ACE: variants seen among roughly 807,000 people sequenced by gnomAD.
The protein encoded by ACE is angiotensin-converting enzyme.
In ACE, 122 loss-of-function variants were observed where a neutral mutation model predicts 162.3. The ratio of observed to expected loss-of-function variants is 0.75; its 90% CI spans 0.65 to 0.87. The LOEUF (loss-of-function observed/expected upper bound fraction) is 0.87. ACE is among the 40% of genes least tolerant of loss of function. ACE has a pLI of 0.00. For synonymous variants in ACE, 796 were observed against 720.6 expected (o/e 1.10, Z -1.68); for missense variants, 1,799 against 1,735.1 (o/e 1.04, Z -0.65).
rs1232536510 is a variant in ACE, at chr17:63,490,954, G to A, written c.2642G>A (p.Gly881Glu). Residue 881 changes from glycine to glutamate, a missense_variant and splice_region_variant, in exon 18 of 25, where the codon GGG becomes GAG. Gly to Glu is a moderately conservative substitution (Grantham distance 98). Transcript: ENST00000290866. The stretch of plus-strand genomic sequence containing the variant: ...TGCCGTCCCCCACACTCGCCTCCAG[G>A]GAACATGTGGGCGCAGACCTGGTCC... ...LEGPIPAHLL[G>E]NMWAQTWSNI... 8 of 1,614,084 alleles carry A rather than the reference G, an allele frequency of 5.0e-6. No individual in the cohort carries two copies. Among genetic ancestry groups the A allele is most frequent in the Non-Finnish European group, 6.8e-6 (8 of 1,180,024 alleles).
chr17:63,482,393 A>T, intron 7 of ACE, 73 bp from the exon 8 acceptor site: 1 of 1,407,700 alleles, frequency 7.1e-7, no homozygotes, highest in Non-Finnish European at 9.9e-7. Flanking sequence ...TCAGGTGCCA[A>T]TCTGCCCTGT....
intron 21 of ACE, 134 bp downstream of exon 21, chr17:63,494,200 T>G (rs2030582303): frequency 7.3e-7 from 1 of 1,363,782 alleles, no homozygotes; most frequent in African/African-American, 1.4e-5. Context: ...ATATGATGTG[T>G]GTGGTGTAAG....
At chr17:63,485,961 A>G (rs1266384016) in intron 13 of ACE, among the ~76,000 whole-genome samples, 1 of 152,172 alleles carries the variant, frequency 6.6e-6, no homozygotes, top group Non-Finnish European at 1.5e-5. Flanking sequence ...ACAAATAAAC[A>G]AAAATCAATC....
chr17:63,496,412 C>A lies in ACE; in HGVS notation c.3399C>A (p.Ile1133=), dbSNP rs1431115842. 5.6e-6 allele frequency: 9 copies of A among 1,614,108 alleles called. No individual in the cohort carries two copies. The highest frequency in any genetic ancestry group is 7.6e-6 in the Non-Finnish European group (9 of 1,180,056). The part of the protein sequence containing the change: ...VPYIRYFVSF[I]IQFQFHEALC... Reference sequence around the variant, plus strand: ...GCTCCAGGTACTTTGTCAGCTTCATCATCCAGTTCCAGTTCCACGAGGCAC... The same window carrying A: ...GCTCCAGGTACTTTGTCAGCTTCATAATCCAGTTCCAGTTCCACGAGGCAC... The change falls in exon 23 of 25, where the codon ATC becomes ATA. Residue 1133 remains isoleucine (I), a synonymous_variant. Transcript: ENST00000290866.
At position 63,484,603 on chromosome 17, in the gene ACE, A is replaced by G; in HGVS notation, c.1921+62A>G. ...GGGTCCTCAACTCTGGGCTTGGCCC[A>G]GGCCCCAGGTTCCTGGTCAGCTCCT... On this transcript the variant is annotated intron_variant, in intron 12 of 24. Transcript: ENST00000290866. The surrounding 1 kb of genome is among the most constrained non-coding windows in gnomAD (Gnocchi z 4.0). 1.3e-6 allele frequency: 2 copies of G among 1,540,126 alleles called. No individual in the cohort carries two copies. The highest frequency in any genetic ancestry group is 2.2e-4 in the Middle Eastern group (1 of 4,512).
At position 63,484,822 on chromosome 17, in the gene ACE, T is replaced by C; in HGVS notation, c.1921+281T>C. On this transcript the variant is annotated intron_variant, in intron 12 of 24. Coordinates refer to ENST00000290866, the MANE Select transcript of ACE (RefSeq NM_000789.4). The surrounding 1 kb of genome is among the most constrained non-coding windows in gnomAD (Gnocchi z 4.0). ...GAGGTCACACTGCGGGCTCCGCTCT[T>C]ATTGGCCAGGGGACGGTAGCTGCAG... 6.5e-7 allele frequency: 1 copy of C among 1,528,148 alleles called. No individual in the cohort carries two copies. Among genetic ancestry groups the C allele is most frequent in the Non-Finnish European group, 8.8e-7 (1 of 1,136,512 alleles). 94.7% of individuals were successfully genotyped at this position (1,528,148 alleles called of 1,614,324 possible).
intron 20 of ACE, 125 bp downstream of exon 20, chr17:63,493,784 G>A (rs1167488889): frequency 3.9e-6 from 6 of 1,519,782 alleles, no homozygotes; most frequent in Non-Finnish European, 4.5e-6. Context: ...CGGAAGGAAG[G>A]GAGCCACCCA....
chr17:63,497,145 G>A lies in ACE; in HGVS notation c.3700G>A (p.Glu1234Lys). The change falls in exon 25 of 25, where the codon GAA becomes AAA. Residue 1234 changes from glutamate (E) to lysine (K), a missense_variant. Glu to Lys is a moderately conservative substitution (Grantham distance 56). Transcript: ENST00000290866. ...YNWTPNSARS[E>K]GPLPDSGRVS... Reference sequence around the variant, plus strand: ...CCTTGCTTCCCGCTCAGCTCGCTCAGAAGGGCCCCTCCCAGACAGCGGCCG... The same window carrying A: ...CCTTGCTTCCCGCTCAGCTCGCTCAAAAGGGCCCCTCCCAGACAGCGGCCG... 6.2e-7 allele frequency: 1 copy of A among 1,604,080 alleles called. No individual in the cohort carries two copies. Among genetic ancestry groups the A allele is most frequent in the African/African-American group, 1.3e-5 (1 of 74,972 alleles).
chr17:63,481,848 C>G (rs1043416002), intron 7 of ACE, 110 bp downstream of exon 7: 1 of 1,422,850 alleles, frequency 7.0e-7, no homozygotes, highest in African/African-American at 1.4e-5. Context: ...TCTACCCTAC[C>G]CCAGCACTGG....
intron 6 of ACE, among the ~76,000 whole-genome samples, 167 bp downstream of exon 6, chr17:63,481,355 C>T (rs1251135808): frequency 6.6e-6 from 1 of 152,132 alleles, no homozygotes; most frequent in Non-Finnish European, 1.5e-5. Context: ...GGTGCCAGCT[C>T]CTCCCTCCAG....
intron 17 of ACE, 125 bp from the exon 18 acceptor site, chr17:63,490,829 G>T: frequency 1.1e-6 from 1 of 904,288 alleles, no homozygotes; most frequent in East Asian, 2.4e-5. Flanking sequence ...GCAAACAGTA[G>T]GTGCTCAAGA....
chr17:63,484,105 T>C lies in ACE; in HGVS notation c.1709+134T>C. 2 of 1,421,700 alleles carry C rather than the reference T, an allele frequency of 1.4e-6. No homozygotes were observed. Among genetic ancestry groups the C allele is most frequent in the Non-Finnish European group, 1.9e-6 (2 of 1,055,702 alleles). The allele number at this position is 1,421,700 out of a possible 1,614,324, so 88.1% of individuals were successfully genotyped here. ...AGCTGGACTGATGTGGATGCCTGTCTCCTCGCTATGTCATCAAATATTTAT... is the reference window on the plus strand; with the variant it reads ...AGCTGGACTGATGTGGATGCCTGTCCCCTCGCTATGTCATCAAATATTTAT... On this transcript the variant is annotated intron_variant, in intron 11 of 24. Transcript: ENST00000290866. This position sits in a 1 kb window ranked among gnomAD's most constrained non-coding sequence, Gnocchi z 4.0.
chr17:63,477,197 CAGCCCGGCAACT>C lies in ACE; in HGVS notation c.104_115del (p.Gln35_Phe39delinsLeu). The C allele has an allele frequency of 6.7e-7, 1 of 1,483,902 alleles. No individual in the cohort carries two copies. Among genetic ancestry groups the C allele is most frequent in the South Asian group, 1.3e-5 (1 of 79,318 alleles). 91.9% of individuals were successfully genotyped at this position (1,483,902 alleles called of 1,614,324 possible). On this transcript the variant is annotated inframe_deletion, in exon 1 of 25. Coordinates refer to ENST00000290866, the MANE Select transcript of ACE (RefSeq NM_000789.4). ...CGCCCTGGCGTTGGACCCCGGGCTG[CAGCCCGGCAACT>C]TTTCTGCTGACGAGGCCGGGGCGCA...
In ACE at chr17:63,483,548, C is replaced by T. The variant is rs754150700; in HGVS notation, c.1576C>T (p.Pro526Ser). The change falls in exon 10 of 25, where the codon CCA becomes TCA. Residue 526 changes from proline to serine, a missense_variant. Physicochemically the swap from Pro to Ser is moderately conservative, Grantham distance 74 (BLOSUM62 -1). Transcript: ENST00000290866. ...TAAGTTTCATGTTCCAAATGTGACA[C>T]CATACATCAGGTATTAGCGCCCCCA... is the stretch of plus-strand genomic sequence containing the variant. ...GAKFHVPNVT[P>S]YIRYFVSFVL... The T allele has an allele frequency of 1.2e-6, 2 of 1,613,842 alleles. No individual in the cohort carries two copies. Among genetic ancestry groups the T allele is most frequent in the Non-Finnish European group, 1.7e-6 (2 of 1,179,796 alleles).
chr17:63,497,059 T>A (rs942245660), intron 24 of ACE, 74 bp downstream of exon 24: 4 of 1,543,122 alleles, frequency 2.6e-6, no homozygotes, highest in Non-Finnish European at 3.5e-6. Flanking sequence ...GCGGCTGACC[T>A]CGGAGCCTGG....
rs1438589013 is a variant in ACE at position 63,482,318 on chromosome 17, AAAG to A, written c.1119-144_1119-142del. On this transcript the variant is annotated intron_variant, in intron 7 of 24. Coordinates refer to ENST00000290866, the MANE Select transcript of ACE (RefSeq NM_000789.4). ...GCTGTCTCAAAAAAAAAAAAGAAAA[AAAG>A]AAGTTACTTGTTTCTACTGCGGCTT... is the stretch of plus-strand genomic sequence containing the variant. 4.2e-6 allele frequency: 3 copies of A among 716,942 alleles called. No individual in the cohort carries two copies. In the East Asian group the frequency reaches 8.1e-5, roughly 19 times the overall value. The allele number at this position is 716,942 out of a possible 1,614,324, so 44.4% of individuals were successfully genotyped here.
chr17:63,492,494 C>T (rs1310665260), intron 19 of ACE, among the ~76,000 whole-genome samples: 1 of 152,214 alleles, frequency 6.6e-6, no homozygotes, highest in Non-Finnish European at 1.5e-5. Flanking sequence ...GAGGACTCAG[C>T]CACAGGGCTG....
At position 63,488,501 on chromosome 17, in the gene ACE, T is replaced by C. The variant is rs1246636683; in HGVS notation, c.2306-147T>C. 1.2e-5 allele frequency: 4 copies of C among 347,250 alleles called. 1 individual carries two copies. The highest frequency in any genetic ancestry group is 5.6e-5 in the Admixed American group (1 of 17,840). 21.5% of individuals were successfully genotyped at this position (347,250 alleles called of 1,614,324 possible). ...CACTGCTGGAGAGCCACTCCCATCCTTTCTCCCATTTCTCTAGACCTGCTG... is the reference window on the plus strand; with the variant it reads ...CACTGCTGGAGAGCCACTCCCATCCCTTCTCCCATTTCTCTAGACCTGCTG... On this transcript the variant is annotated intron_variant, in intron 15 of 24. Transcript: ENST00000290866.
At chr17:63,486,328 C>T in intron 13 of ACE, 1 of 598,942 alleles carries the variant, frequency 1.7e-6, no homozygotes. Context: ...TCTTCTCTGC[C>T]CCTGCCTGGA....
Sources: allele counts gnomAD v4.1 joint callset (sites outside exome capture counted in the v4.1 genomes callset), GRCh38; gene constraint gnomAD v4.1.1; non-coding constraint Gnocchi (gnomAD v3.1); transcripts MANE v1.5; gene names NCBI Gene and HGNC (gene_info 2026-07-23, HGNC 2026-07-21).